WDR70: variants seen among roughly 807,000 people sequenced by gnomAD.
The protein encoded by WDR70 is WD repeat-containing protein 70.
In WDR70, 53 loss-of-function variants were observed where a neutral mutation model predicts 88.6. The observed-to-expected ratio is 0.60, with a 90% CI of 0.48 to 0.75. WDR70 has a LOEUF of 0.75. Ranked by LOEUF, WDR70 falls within the 30% of genes least tolerant of loss-of-function variation. WDR70 has a pLI of 0.00. For synonymous variants in WDR70, 280 were observed against 270.0 expected, an observed-to-expected ratio of 1.04 and a Z score of -0.36; for missense variants, 610 against 823.2, an observed-to-expected ratio of 0.74 and a Z score of 3.17.
At chr5:37,709,410 T>G (rs1420790332) in intron 13 of WDR70, among the ~76,000 whole-genome samples, 2 of 152,192 alleles carry the variant, frequency 1.3e-5, no homozygotes, top group East Asian at 3.8e-4. Flanking sequence ...ATATTTGTAT[T>G]TAATAAAAAT....
Position 37,688,149 on chromosome 5 carries a change from T to C in WDR70, c.1093-9506T>C, listed in dbSNP as rs541160624. The C allele has an allele frequency of 9.8e-6, 4 of 408,654 alleles. No homozygotes were observed. In the South Asian group the frequency reaches 3.3e-4, roughly 34 times the overall value. The allele number at this position is 408,654 out of a possible 1,614,324, so 25.3% of individuals were successfully genotyped here. A position where few individuals can be genotyped will look rare whatever the true frequency, so the allele number is the denominator to read the frequency against. On this transcript the variant is annotated intron_variant, in intron 10 of 17. Transcript: ENST00000265107. ...TTGATCAGTTAATTGAATGATAAAG[T>C]ATTATGCATTTGCCTGTTTTGCCTT...
chr5:37,572,940 A>G (rs1316579334), intron 9 of WDR70, among the ~76,000 whole-genome samples: 1 of 152,102 alleles, frequency 6.6e-6, no homozygotes, highest in African/African-American at 2.4e-5. Context: ...ACAGCAACTG[A>G]TTTTCTTGTC....
chr5:37,681,120 G>GTT (rs1039178696), intron 10 of WDR70, among the ~76,000 whole-genome samples: 1 of 151,056 alleles, frequency 6.6e-6, no homozygotes, highest in African/African-American at 2.4e-5. Flanking sequence ...TCTTTGAGCA[G>GTT]TTTTTTTTTG....
chr5:37,726,844 C>T, intron 16 of WDR70, 39 bp from the exon 17 acceptor site: 1 of 1,559,116 alleles, frequency 6.4e-7, no homozygotes. Flanking sequence ...TCCTCATGCT[C>T]ATTCAGTTTC....
At chr5:37,454,819 G>A (rs2112088300) in intron 7 of WDR70, among the ~76,000 whole-genome samples, 1 of 152,246 alleles carries the variant, frequency 6.6e-6, no homozygotes, top group East Asian at 1.9e-4. Context: ...TGTGCATAAT[G>A]GAATGTGAGC....
At chr5:37,611,568 A>G (rs1744193157) in intron 10 of WDR70, among the ~76,000 whole-genome samples, 1 of 152,028 alleles carries the variant, frequency 6.6e-6, no homozygotes, top group Non-Finnish European at 1.5e-5. Context: ...ATGCATTGAT[A>G]TATTTTTAGC....
intron 10 of WDR70, among the ~76,000 whole-genome samples, chr5:37,694,140 A>G (rs1746905720): frequency 6.6e-6 from 1 of 152,192 alleles, no homozygotes; most frequent in South Asian, 2.1e-4. Context: ...AATCAAAACC[A>G]CAGTGAGATA....
chr5:37,469,648 G>C (rs2112129202), intron 7 of WDR70, among the ~76,000 whole-genome samples: 1 of 152,326 alleles, frequency 6.6e-6, no homozygotes. Flanking sequence ...GGGAGCAGCA[G>C]ATGCTAAAGA....
intron 10 of WDR70, among the ~76,000 whole-genome samples, chr5:37,671,096 T>C (rs1352072443): frequency 6.6e-6 from 1 of 152,160 alleles, no homozygotes; most frequent in Non-Finnish European, 1.5e-5. Flanking sequence ...TAACATGTGA[T>C]TGAAAACATA....
chr5:37,741,462 A>G (rs988333496), intron 17 of WDR70, among the ~76,000 whole-genome samples: 1 of 152,002 alleles, frequency 6.6e-6, no homozygotes, highest in Non-Finnish European at 1.5e-5. Flanking sequence ...GTGGAAGACA[A>G]TTTTTCCATG....
At chr5:37,415,500 TGG>T (rs1216460546) in intron 5 of WDR70, among the ~76,000 whole-genome samples, 1 of 44,106 alleles carries the variant, frequency 2.3e-5, no homozygotes, top group African/African-American at 1.7e-4. Context: ...CGGCTGGGGG[TGG>T]GGGGGGCCTG....
chr5:37,403,217 G>A (rs1749255438), intron 5 of WDR70, among the ~76,000 whole-genome samples: 1 of 151,898 alleles, frequency 6.6e-6, no homozygotes, highest in Non-Finnish European at 1.5e-5. Context: ...CAAAGTGCTG[G>A]GATTACAGGC....
chr5:37,432,265 G>A (rs1750328945), intron 5 of WDR70, among the ~76,000 whole-genome samples: 1 of 151,436 alleles, frequency 6.6e-6, no homozygotes, highest in South Asian at 2.1e-4. Context: ...CTAGTGTGAA[G>A]TGATATTTCA....
intron 7 of WDR70, among the ~76,000 whole-genome samples, chr5:37,449,401 G>A (rs1738593505): frequency 2.0e-5 from 3 of 152,042 alleles, no homozygotes; most frequent in African/African-American, 2.4e-5. Flanking sequence ...AGACCAGCCT[G>A]GCCAACATGG....
At chr5:37,609,784 A>T (rs1275903965) in intron 10 of WDR70, among the ~76,000 whole-genome samples, 4 of 152,104 alleles carry the variant, frequency 2.6e-5, no homozygotes, top group Non-Finnish European at 5.9e-5. Flanking sequence ...CAGTGCCCCC[A>T]TTTTCAGCCA....
chr5:37,540,948 G>A (rs896930295), intron 9 of WDR70, among the ~76,000 whole-genome samples: 1 of 152,046 alleles, frequency 6.6e-6, no homozygotes, highest in African/African-American at 2.4e-5. Flanking sequence ...TGTTGAATAG[G>A]GGTTATAAAA....
chr5:37,430,806 C>T (rs55806417), intron 5 of WDR70, among the ~76,000 whole-genome samples: 73,093 of 151,842 alleles, frequency 0.48, 19,963 homozygotes, highest in Non-Finnish European at 0.61. Context: ...AGTGATCCAC[C>T]TGCCTCGGCC....
At chr5:37,637,922 G>T (rs1457723408) in intron 10 of WDR70, among the ~76,000 whole-genome samples, 2 of 152,184 alleles carry the variant, frequency 1.3e-5, no homozygotes, top group East Asian at 3.8e-4. Flanking sequence ...GTGGCAGCAG[G>T]AGTAGTGGCA....
At chr5:37,442,190 A>AC (rs985268922) in intron 6 of WDR70, among the ~76,000 whole-genome samples, 4 of 151,422 alleles carry the variant, frequency 2.6e-5, no homozygotes, top group African/African-American at 7.3e-5. Context: ...GGCATGCGCC[A>AC]CCATGCCTGG....
Sources: allele counts gnomAD v4.1 joint callset (sites outside exome capture counted in the v4.1 genomes callset), GRCh38; gene constraint gnomAD v4.1.1; transcripts MANE v1.5; gene names NCBI Gene and HGNC (gene_info 2026-07-23, HGNC 2026-07-21).